SOBP: variants seen among roughly 807,000 people sequenced by gnomAD.
SOBP encodes the protein sine oculis binding protein homolog, also known as sine oculis-binding protein homolog.
Under a neutral mutation model 53.6 loss-of-function variants are expected in SOBP, and 4 were observed. The ratio of observed to expected loss-of-function variants is 0.07; its 90% CI spans 0.04 to 0.17. SOBP has a LOEUF of 0.17. Ranked by LOEUF, SOBP falls within the 10% of genes least tolerant of loss-of-function variation. The pLI is 1.00. For missense variants in SOBP, 1,088 were observed against 1,204.7 expected, an observed-to-expected ratio of 0.90 and a Z score of 1.43; for synonymous variants, 584 against 522.6, an observed-to-expected ratio of 1.12 and a Z score of -1.60.
At chr6:107,599,650 T>C (rs1030078951) in intron 5 of SOBP, among the ~76,000 whole-genome samples, 1 of 152,058 alleles carries the variant, frequency 6.6e-6, no homozygotes, top group African/African-American at 2.4e-5. Flanking sequence ...ATTAAATTTC[T>C]TAAAATCCTA....
intron 4 of SOBP, among the ~76,000 whole-genome samples, chr6:107,556,515 A>G (rs970701379): frequency 1.3e-5 from 2 of 152,218 alleles, no homozygotes; most frequent in South Asian, 4.1e-4. Context: ...AAACCAAATC[A>G]CTAAATACTA....
chr6:107,540,295 C>T (rs984120074), intron 4 of SOBP, among the ~76,000 whole-genome samples: 2 of 152,354 alleles, frequency 1.3e-5, no homozygotes, highest in African/African-American at 2.4e-5. Flanking sequence ...AGCTTATGTA[C>T]ACATAAACAG....
At chr6:107,611,775 C>T (rs1028546164) in intron 5 of SOBP, among the ~76,000 whole-genome samples, 3 of 152,176 alleles carry the variant, frequency 2.0e-5, no homozygotes, top group Non-Finnish European at 4.4e-5. Flanking sequence ...TAAGCATGTA[C>T]GTGTAGAAAT....
At chr6:107,530,463 A>G (rs1583178356) in intron 3 of SOBP, among the ~76,000 whole-genome samples, 2 of 152,250 alleles carry the variant, frequency 1.3e-5, no homozygotes, top group South Asian at 4.1e-4. Context: ...CTGATGACAG[A>G]ATTTTGAACT....
At position 107,634,654 on chromosome 6, in the gene SOBP, C is replaced by A. The variant is rs368271940; in HGVS notation, c.1810C>A (p.Gln604Lys). The change falls in exon 6 of 7, where the codon CAG becomes AAG. Residue 604 changes from glutamine to lysine, a missense_variant. Transcript: ENST00000317357. The surrounding 1 kb of genome is among the most constrained non-coding windows in gnomAD (Gnocchi z 4.5). The stretch of plus-strand genomic sequence containing the variant: ...GGACTCGCCCCCCGGCTGCTCGGGC[C>A]AGGCCCTGAGCCTGGCGCCCACGCC... ...SADSPPGCSG[Q>K]ALSLAPTPAE... The A allele has an allele frequency of 1.4e-3, 2,155 of 1,563,008 alleles. 3 individuals are homozygous for A. Among genetic ancestry groups the A allele is most frequent in the Non-Finnish European group, 1.7e-3 (2,018 of 1,160,628 alleles).
At chr6:107,565,928 G>A (rs1161201038) in intron 4 of SOBP, among the ~76,000 whole-genome samples, 2 of 152,178 alleles carry the variant, frequency 1.3e-5, no homozygotes, top group Admixed American at 6.5e-5. Flanking sequence ...GCATAATGTT[G>A]TACTTTTCCC....
chr6:107,619,580 T>A (rs1786926881), intron 5 of SOBP, among the ~76,000 whole-genome samples: 1 of 151,994 alleles, frequency 6.6e-6, no homozygotes, highest in Non-Finnish European at 1.5e-5. Flanking sequence ...TTGGGGCATA[T>A]TGGTCAGTGG....
chr6:107,590,990 C>T (rs1297331435), intron 5 of SOBP, among the ~76,000 whole-genome samples: 2 of 152,142 alleles, frequency 1.3e-5, no homozygotes, highest in African/African-American at 4.8e-5. Context: ...CCTGAAGGAG[C>T]ATGCAATTCA....
intron 5 of SOBP, among the ~76,000 whole-genome samples, chr6:107,600,171 A>T (rs1382600364): frequency 1.3e-5 from 2 of 152,188 alleles, no homozygotes; most frequent in Admixed American, 6.5e-5. Context: ...AGCTTTAGTT[A>T]TGCTTTCTAA....
chr6:107,607,356 C>T (rs760252753), intron 5 of SOBP, among the ~76,000 whole-genome samples: 15 of 152,200 alleles, frequency 9.9e-5, no homozygotes, highest in Admixed American at 3.3e-4. Flanking sequence ...ATTTCTGGGA[C>T]AGGCCCAACA....
chr6:107,504,605 A>G (rs2114946474), intron 2 of SOBP, among the ~76,000 whole-genome samples: 1 of 152,250 alleles, frequency 6.6e-6, no homozygotes, highest in East Asian at 1.9e-4. Context: ...AAAACAAATT[A>G]TACATCATCA....
chr6:107,562,372 C>T (rs1784796925), intron 4 of SOBP, among the ~76,000 whole-genome samples: 1 of 152,080 alleles, frequency 6.6e-6, no homozygotes. Flanking sequence ...TAAAAGGAAG[C>T]CTTTTGGAGG....
At chr6:107,550,658 TG>T (rs1403063036) in intron 4 of SOBP, among the ~76,000 whole-genome samples, 6 of 152,154 alleles carry the variant, frequency 3.9e-5, no homozygotes, top group Non-Finnish European at 7.3e-5. Flanking sequence ...CCAGGCTCTA[TG>T]CATGAGTGAG....
At chr6:107,496,272 G>A (rs912347871) in intron 1 of SOBP, among the ~76,000 whole-genome samples, 1 of 152,200 alleles carries the variant, frequency 6.6e-6, no homozygotes, top group Admixed American at 6.5e-5. Context: ...CTGTACACCT[G>A]CCATGCCTGC....
chr6:107,622,492 T>C (rs1414880907), intron 5 of SOBP, among the ~76,000 whole-genome samples: 1 of 152,160 alleles, frequency 6.6e-6, no homozygotes, highest in Non-Finnish European at 1.5e-5. Flanking sequence ...ACAAAGACAT[T>C]AGCAGGAACA....
chr6:107,520,819 T>C (rs1399239366), intron 3 of SOBP, among the ~76,000 whole-genome samples: 1 of 152,158 alleles, frequency 6.6e-6, no homozygotes, highest in Non-Finnish European at 1.5e-5. Flanking sequence ...GTTCTGGGGC[T>C]TTTCACTAGT....
chr6:107,503,803 C>T lies in SOBP; in HGVS notation c.235+8C>T, dbSNP rs1351999559. On this transcript the variant is annotated splice_region_variant and intron_variant, in intron 2 of 6. Transcript: ENST00000317357. Reference sequence around the variant, plus strand: ...ACATTTCTGTTCTCAAAGGTAATGACATTTAATGTCCTTTTGTTCATGCAA... The same window carrying T: ...ACATTTCTGTTCTCAAAGGTAATGATATTTAATGTCCTTTTGTTCATGCAA... The T allele has an allele frequency of 1.2e-6, 2 of 1,613,650 alleles. No homozygotes were observed. Among genetic ancestry groups the T allele is most frequent in the Non-Finnish European group, 1.7e-6 (2 of 1,180,000 alleles).
chr6:107,568,800 C>G (rs971989597), intron 4 of SOBP, among the ~76,000 whole-genome samples: 13 of 152,176 alleles, frequency 8.5e-5, no homozygotes, highest in African/African-American at 2.7e-4. Context: ...TTGGTTTCTT[C>G]ATTTTTGAAA....
In SOBP at chr6:107,637,854, A is replaced by C. The variant is rs556670743; in HGVS notation, c.*3+2385A>C. On this transcript the variant is annotated intron_variant, in intron 6 of 6. Coordinates refer to ENST00000317357, the MANE Select transcript of SOBP (RefSeq NM_018013.4). ...GATATATGTTTCTGAATAAAGAATCAGTCTTGTATGTGGACCAGAATCATT... is the reference window on the plus strand; with the variant it reads ...GATATATGTTTCTGAATAAAGAATCCGTCTTGTATGTGGACCAGAATCATT... Among the ~76,000 whole-genome samples the C allele has an allele frequency of 2.0e-5, 3 of 152,364 alleles. No individual in the cohort carries two copies. In the South Asian group the frequency reaches 6.2e-4, roughly 32 times the overall value.
Sources: allele counts gnomAD v4.1 joint callset (sites outside exome capture counted in the v4.1 genomes callset), GRCh38; gene constraint gnomAD v4.1.1; non-coding constraint Gnocchi (gnomAD v3.1); transcripts MANE v1.5; gene names NCBI Gene and HGNC (gene_info 2026-07-23, HGNC 2026-07-21).